The following NUSAP1 variants were observed in gnomAD, a reference collection of about 807,000 sequenced individuals.
NUSAP1 encodes nucleolar and spindle associated protein 1.
NUSAP1 carries 32 observed loss-of-function variants against 52.8 expected under a neutral mutation model. The observed-to-expected ratio is 0.61, with a 90% CI of 0.46 to 0.81. The LOEUF (loss-of-function observed/expected upper bound fraction) is 0.81. Ranked by LOEUF, NUSAP1 falls within the 40% of genes least tolerant of loss-of-function variation. NUSAP1 has a pLI of 0.00. For missense variants in NUSAP1, 499 were observed against 522.3 expected, an observed-to-expected ratio of 0.96 and a Z score of 0.43; for synonymous variants, 195 against 183.1, an observed-to-expected ratio of 1.06 and a Z score of -0.52.
At chr15:41,365,062 C>A (rs772492663) in intron 6 of NUSAP1, among the ~76,000 whole-genome samples, 3 of 152,064 alleles carry the variant, frequency 2.0e-5, no homozygotes, top group Non-Finnish European at 4.4e-5. Flanking sequence ...AGAAAAGATT[C>A]CAAATGGAGT....
At chr15:41,335,314 T>A (rs1389130741) in intron 1 of NUSAP1, among the ~76,000 whole-genome samples, 2 of 145,062 alleles carry the variant, frequency 1.4e-5, no homozygotes, top group Non-Finnish European at 3.0e-5. Context: ...TATATACTAG[T>A]ATATATAAAT....
At chr15:41,375,282 A>C (rs565844937) in intron 8 of NUSAP1, among the ~76,000 whole-genome samples, 1 of 150,614 alleles carries the variant, frequency 6.6e-6, no homozygotes, top group Non-Finnish European at 1.5e-5. Flanking sequence ...GGTTCAAGCA[A>C]TTCTCCTGCC....
intron 7 of NUSAP1, among the ~76,000 whole-genome samples, chr15:41,369,059 T>C (rs2049548541): frequency 6.6e-6 from 1 of 150,762 alleles, no homozygotes; most frequent in African/African-American, 2.4e-5. Context: ...GCCTATTCTA[T>C]TTTTGAGACA....
intron 10 of NUSAP1, 122 bp from the exon 11 acceptor site, chr15:41,379,971 G>C (rs2050144190): frequency 1.5e-6 from 1 of 672,418 alleles, no homozygotes; most frequent in Non-Finnish European, 2.6e-6. Context: ...CTAAGAGTCT[G>C]TTTTACACAA....
chr15:41,365,455 A>T lies in NUSAP1; in HGVS notation c.714A>T (p.Arg238Ser). The T allele has an allele frequency of 6.2e-7, 1 of 1,612,372 alleles. No homozygotes were observed. Among genetic ancestry groups the T allele is most frequent in the Non-Finnish European group, 8.5e-7 (1 of 1,179,312 alleles). ...GGACTCCAGTACCTCCAAGAGGAAG[A>T]CTCTCTGTGGCTTCTACTCCCATCA... ...GVRTPVPPRG[R>S]LSVASTPISQ... The change falls in exon 7 of 11, where the codon AGA (arginine) becomes AGT (serine). Residue 238 changes from arginine to serine, a missense_variant. Physicochemically the swap from Arg to Ser is moderately radical, Grantham distance 110. Coordinates refer to ENST00000559596, the MANE Select transcript of NUSAP1 (RefSeq NM_016359.5).
At position 41,371,543 on chromosome 15, in the gene NUSAP1, A is replaced by G; in HGVS notation, c.865A>G (p.Lys289Glu). Residue 289 changes from lysine to glutamate, a missense_variant, in exon 8 of 11, where the codon AAA becomes GAA. By Grantham distance (56) the Lys-to-Glu change is moderately conservative (BLOSUM62 1). Coordinates refer to ENST00000559596, the MANE Select transcript of NUSAP1 (RefSeq NM_016359.5). ...KTGVRFSAAT[K>E]DNEHKRSLTK... ...CCTATTTAGGTTTTCAGCTGCTACTAAAGATAATGAGCATAAGCGTTCACT... is the reference window on the plus strand; with the variant it reads ...CCTATTTAGGTTTTCAGCTGCTACTGAAGATAATGAGCATAAGCGTTCACT... 4 of 1,601,058 alleles carry G rather than the reference A, an allele frequency of 2.5e-6. No homozygotes were observed. The East Asian group carries it at 6.7e-5, about 27-fold the overall frequency.
At chr15:41,371,448 C>A in intron 7 of NUSAP1, 79 bp from the exon 8 acceptor site, 1 of 1,225,794 alleles carries the variant, frequency 8.2e-7, no homozygotes. Flanking sequence ...TGCTAATAGT[C>A]AAGTGGTTTT....
At chr15:41,354,318 A>G (rs2048881696) in intron 4 of NUSAP1, among the ~76,000 whole-genome samples, 1 of 152,154 alleles carries the variant, frequency 6.6e-6, no homozygotes, top group Admixed American at 6.6e-5. Flanking sequence ...CAGCCTGGGT[A>G]ACATGACAAA....
intron 7 of NUSAP1, among the ~76,000 whole-genome samples, chr15:41,366,277 T>A (rs1367191266): frequency 6.7e-6 from 1 of 149,522 alleles, no homozygotes; most frequent in Non-Finnish European, 1.5e-5. Context: ...AACCTTTCTT[T>A]TTTTTTCTTT....
At chr15:41,341,569 C>T (rs2048368176) in intron 1 of NUSAP1, among the ~76,000 whole-genome samples, 2 of 152,158 alleles carry the variant, frequency 1.3e-5, no homozygotes, top group African/African-American at 4.8e-5. Context: ...CACCAGCTGT[C>T]CAAGCCAGAA....
At chr15:41,366,965 AGT>A (rs776316171) in intron 7 of NUSAP1, among the ~76,000 whole-genome samples, 2 of 152,204 alleles carry the variant, frequency 1.3e-5, no homozygotes, top group South Asian at 2.1e-4. Flanking sequence ...ACAGGAATAT[AGT>A]CTCTGTGTAG....
chr15:41,338,186 T>C (rs896888356), intron 1 of NUSAP1, among the ~76,000 whole-genome samples: 3 of 151,992 alleles, frequency 2.0e-5, no homozygotes, highest in Non-Finnish European at 1.5e-5. Context: ...CCACCTGCCT[T>C]GGCGTCCCAA....
chr15:41,380,182 A>T lies in NUSAP1; in HGVS notation c.1322A>T (p.Asp441Val). Reference protein sequence around the residue: ...GMRRGLILAED With the variant: ...GMRRGLILAEV ...CGAAGGGGCCTCATTTTGGCTGAAG[A>T]TTAATAATTTTTTAACATCTTGTAA... The change falls in exon 11 of 11, where the codon GAT (aspartate) becomes GTT (valine). Residue 441 changes from aspartate (D) to valine (V), a missense_variant. Transcript: ENST00000559596. 1 of 1,563,354 alleles carries T rather than the reference A, an allele frequency of 6.4e-7. No individual in the cohort carries two copies. The highest frequency in any genetic ancestry group is 8.7e-7 in the Non-Finnish European group (1 of 1,153,344).
At chr15:41,352,373 G>C (rs1291859184) in intron 4 of NUSAP1, among the ~76,000 whole-genome samples, 2 of 152,124 alleles carry the variant, frequency 1.3e-5, no homozygotes, top group Non-Finnish European at 2.9e-5. Flanking sequence ...AGCCTTGCCA[G>C]AGGAGGAGTT....
At chr15:41,357,298 G>A (rs1415219440) in intron 5 of NUSAP1, among the ~76,000 whole-genome samples, 1 of 151,906 alleles carries the variant, frequency 6.6e-6, no homozygotes, top group African/African-American at 2.4e-5. Context: ...AACCTGTGAG[G>A]CAGAGGTTGC....
intron 1 of NUSAP1, among the ~76,000 whole-genome samples, chr15:41,336,648 G>GTGTTTTTTTTTT (rs1555426223): frequency 6.6e-5 from 6 of 91,370 alleles, no homozygotes; most frequent in African/African-American, 2.0e-4. Context: ...CCTCCTTTTG[G>GTGTTTTTTTTTT]TTTTTTTTTT....
chr15:41,371,782 T>C lies in NUSAP1; in HGVS notation c.1006+98T>C. The C allele has an allele frequency of 4.3e-6, 6 of 1,385,972 alleles. No individual in the cohort carries two copies. The South Asian group carries it at 7.0e-5, about 16-fold the overall frequency. 85.9% of individuals were successfully genotyped at this position (1,385,972 alleles called of 1,614,324 possible). ...ATCTGTTTTTTTTGTTTGTTTGTTT[T>C]TTTCTGAGATGGAGTTTCGCTTTTG... On this transcript the variant is annotated intron_variant, in intron 8 of 10. Coordinates refer to ENST00000559596, the MANE Select transcript of NUSAP1 (RefSeq NM_016359.5).
chr15:41,336,197 C>A (rs1010515936), intron 1 of NUSAP1, among the ~76,000 whole-genome samples: 1 of 151,346 alleles, frequency 6.6e-6, no homozygotes, highest in Non-Finnish European at 1.5e-5. Flanking sequence ...CCCAGGGAGG[C>A]AGACGCTGCA....
intron 1 of NUSAP1, among the ~76,000 whole-genome samples, chr15:41,333,540 C>A (rs767831897): frequency 1.3e-5 from 2 of 152,068 alleles, no homozygotes; most frequent in Non-Finnish European, 2.9e-5. Flanking sequence ...TAGGGGAGCA[C>A]CTCCTTGGGT....
Sources: allele counts gnomAD v4.1 joint callset (sites outside exome capture counted in the v4.1 genomes callset), GRCh38; gene constraint gnomAD v4.1.1; transcripts MANE v1.5; gene names NCBI Gene and HGNC (gene_info 2026-07-23, HGNC 2026-07-21).